COL3A1: variants seen among roughly 807,000 people sequenced by gnomAD.
COL3A1 encodes the protein collagen alpha-1(III) chain.
A neutral mutation model predicts 200.9 loss-of-function variants in COL3A1; 46 were observed. That is an observed-to-expected ratio of 0.23 (90% confidence interval 0.18 to 0.29). COL3A1 has a LOEUF of 0.29. Among genes scored for constraint, COL3A1 ranks in the 10% least tolerant of loss-of-function variants. The pLI is 1.00. For missense variants in COL3A1, 1,367 were observed against 1,917.6 expected (o/e 0.71, Z 5.36); for synonymous variants, 650 against 628.0 (o/e 1.03, Z -0.52).
intron 35 of COL3A1, among the ~76,000 whole-genome samples, chr2:189,002,591 T>TA (rs747795650): frequency 1.5e-4 from 23 of 152,224 alleles, no homozygotes; most frequent in Non-Finnish European, 3.1e-4. Context: ...ATCATGGATT[T>TA]AAAAGCACTC....
intron 15 of COL3A1, 82 bp downstream of exon 15, chr2:188,993,022 T>C: frequency 7.8e-7 from 1 of 1,289,600 alleles, no homozygotes; most frequent in Non-Finnish European, 1.1e-6. Flanking sequence ...GCAACTGATT[T>C]TTTTAATCAG....
At chr2:189,008,875 T>C in intron 47 of COL3A1, 49 bp from the exon 48 acceptor site, 4 of 1,562,790 alleles carry the variant, frequency 2.6e-6, no homozygotes, top group Admixed American at 3.3e-5. Context: ...ATTCTTAGAG[T>C]GGCGACTGAA....
intron 44 of COL3A1, 148 bp downstream of exon 44, chr2:189,007,138 T>TATA (rs1371609811): frequency 1.3e-4 from 24 of 189,666 alleles, no homozygotes; most frequent in African/African-American, 6.3e-4. Flanking sequence ...TATATATATA[T>TATA]ATTTGTTCTA....
In COL3A1 at chr2:189,003,655, G is replaced by A. The variant is rs3765160; in HGVS notation, c.2608-79G>A. 71,192 of 1,492,892 alleles carry A rather than the reference G, an allele frequency of 0.048. 5,099 individuals are homozygous for A. Among genetic ancestry groups the A allele is most frequent in the African/African-American group, 0.34 (24,324 of 72,254 alleles). 92.5% of individuals were successfully genotyped at this position (1,492,892 alleles called of 1,614,324 possible). On this transcript the variant is annotated intron_variant, in intron 37 of 50. Coordinates refer to ENST00000304636, the MANE Select transcript of COL3A1 (RefSeq NM_000090.4). ...GACTTTCAGGTACAATGCAGATCAT[G>A]CCACACATTATACTTTTTGTTTGTT... is the stretch of plus-strand genomic sequence containing the variant.
chr2:188,975,213 T>C (rs545665238), intron 1 of COL3A1, among the ~76,000 whole-genome samples: 5 of 152,342 alleles, frequency 3.3e-5, no homozygotes, highest in African/African-American at 9.6e-5. Flanking sequence ...AAGGGACTAA[T>C]ATTTTCCACA....
At chr2:189,007,322 C>A (rs1422284764) in intron 44 of COL3A1, among the ~76,000 whole-genome samples, 178 bp from the exon 45 acceptor site, 1 of 151,458 alleles carries the variant, frequency 6.6e-6, no homozygotes, top group Admixed American at 6.6e-5. Flanking sequence ...ATGCAATGAT[C>A]AGTCCAAAAT....
intron 42 of COL3A1, 34 bp from the exon 43 acceptor site, chr2:189,006,311 C>T (rs1688584751): frequency 1.2e-6 from 2 of 1,613,412 alleles, no homozygotes; most frequent in East Asian, 2.2e-5. Flanking sequence ...AAGTGATCAT[C>T]ATGTTTATTT....
In COL3A1 at chr2:188,979,358, A is replaced by G. The variant is rs997720160; in HGVS notation, c.79+4790A>G. 2.0e-5 allele frequency among the ~76,000 whole-genome samples: 3 copies of G among 152,092 alleles called. No homozygotes were observed. The East Asian group carries it at 5.8e-4, about 29-fold the overall frequency. ...CTGATGAACTTAGATGTATATTAACATGAATCATTTAGTAACTATATTTTC... is the reference window on the plus strand; with the variant it reads ...CTGATGAACTTAGATGTATATTAACGTGAATCATTTAGTAACTATATTTTC... On this transcript the variant is annotated intron_variant, in intron 1 of 50. Transcript: ENST00000304636.
intron 32 of COL3A1, among the ~76,000 whole-genome samples, chr2:189,000,203 C>G (rs1688426160): frequency 6.6e-6 from 1 of 152,056 alleles, no homozygotes; most frequent in Non-Finnish European, 1.5e-5. Flanking sequence ...CATTAAGAAA[C>G]TAAAAGTCAT....
intron 47 of COL3A1, chr2:189,008,354 A>G (rs1688643739): frequency 1.7e-6 from 1 of 584,952 alleles, no homozygotes; most frequent in Non-Finnish European, 3.0e-6. Context: ...AAATTTGATC[A>G]GGTATCCATC....
Position 188,997,680 on chromosome 2 carries a change from G to C in COL3A1, c.1870-20G>C. 1.2e-6 allele frequency: 2 copies of C among 1,608,924 alleles called. No homozygotes were observed. Among genetic ancestry groups the C allele is most frequent in the Non-Finnish European group, 1.7e-6 (2 of 1,175,406 alleles). ...TATAAAAGGATGTTTACAACAGAGT[G>C]TATCATTATACTTTTCTAGGGGCCT... On this transcript the variant is annotated intron_variant, in intron 26 of 50. Coordinates refer to ENST00000304636, the MANE Select transcript of COL3A1 (RefSeq NM_000090.4).
rs748530632 is a variant in COL3A1, at chr2:188,994,784, C to T, written c.1408C>T (p.Pro470Ser). ...AGGCGAAGATGGCAAGGATGGATCACCTGGAGAACCTGGTGCAAATGGGCT... is the reference window on the plus strand; with the variant it reads ...AGGCGAAGATGGCAAGGATGGATCATCTGGAGAACCTGGTGCAAATGGGCT... ...AKGEDGKDGS[P>S]GEPGANGLPG... Residue 470 changes from proline (P) to serine (S), a missense_variant, in exon 20 of 51, where the codon CCT becomes TCT. By Grantham distance (74) the Pro-to-Ser change is moderately conservative. Coordinates refer to ENST00000304636, the MANE Select transcript of COL3A1 (RefSeq NM_000090.4). This position sits in a 1 kb window ranked among gnomAD's most constrained non-coding sequence, Gnocchi z 4.5. The T allele has an allele frequency of 2.5e-6, 4 of 1,613,498 alleles. No individual in the cohort carries two copies. Among genetic ancestry groups the T allele is most frequent in the Non-Finnish European group, 3.4e-6 (4 of 1,179,954 alleles).
chr2:189,008,254 AT>A (rs1487536861), intron 47 of COL3A1, 112 bp downstream of exon 47: 4 of 874,856 alleles, frequency 4.6e-6, no homozygotes, highest in Non-Finnish European at 7.5e-6. Context: ...CATCCACTCA[AT>A]TTAGAAACTG....
chr2:188,991,462 A>G (rs748866167), intron 11 of COL3A1, 25 bp from the exon 12 acceptor site: 5 of 1,515,282 alleles, frequency 3.3e-6, no homozygotes, highest in Non-Finnish European at 9.1e-7. Flanking sequence ...TTTGTAAAAT[A>G]GTAACATATT....
At chr2:189,003,142 T>C in intron 36 of COL3A1, 80 bp downstream of exon 36, 1 of 1,138,760 alleles carries the variant, frequency 8.8e-7, no homozygotes, top group Non-Finnish European at 1.3e-6. Flanking sequence ...TCCCTCTCTC[T>C]CTCCCTCTCC....
In COL3A1 at chr2:188,999,369, C is replaced by T. The variant is rs780123051; in HGVS notation, c.2107C>T (p.Pro703Ser). 1.2e-6 allele frequency: 2 copies of T among 1,607,592 alleles called. No individual in the cohort carries two copies. Among genetic ancestry groups the T allele is most frequent in the South Asian group, 1.1e-5 (1 of 90,202 alleles). ...GLRGGAGPPG[P>S]EGGKGAAGPP... ...TAGAGGTGGAGCTGGTCCCCCTGGT[C>T]CCGAAGGAGGAAAGGTAACTCCACA... Residue 703 changes from proline (P) to serine (S), a missense_variant, in exon 30 of 51, where the codon CCC (proline) becomes TCC (serine). Around this residue, in one of 5 missense-constraint regions of COL3A1, gnomAD observed 846 missense variants for 1,147.9 expected, o/e 0.74. Transcript: ENST00000304636.
rs555261429 is a variant in COL3A1 at position 188,975,370 on chromosome 2, G to T, written c.79+802G>T. ...TGTTTTGCTATATTTTCTAATAATT[G>T]CATGTAATGTTTTTCATATTCTAAT... is the stretch of plus-strand genomic sequence containing the variant. On this transcript the variant is annotated intron_variant, in intron 1 of 50. Coordinates refer to ENST00000304636, the MANE Select transcript of COL3A1 (RefSeq NM_000090.4). Among the ~76,000 whole-genome samples, 7 of 152,228 alleles carry T rather than the reference G, an allele frequency of 4.6e-5. No homozygotes were observed. In the East Asian group the frequency reaches 1.4e-3, roughly 29 times the overall value.
intron 10 of COL3A1, 22 bp downstream of exon 10, chr2:188,990,382 T>G (rs753137155): frequency 6.2e-7 from 1 of 1,605,364 alleles, no homozygotes; most frequent in South Asian, 1.1e-5. Context: ...TTCTAAGTTG[T>G]TTACAAGGTA....
rs1688203730 is a variant in COL3A1 at position 188,992,192 on chromosome 2, G to A, written c.960G>A (p.Arg320=). 6.2e-7 allele frequency: 1 copy of A among 1,613,744 alleles called. No individual in the cohort carries two copies. Among genetic ancestry groups the A allele is most frequent in the Non-Finnish European group, 8.5e-7 (1 of 1,179,934 alleles). Residue 320 remains arginine (R), a synonymous_variant, in exon 14 of 51, where the codon CGG becomes CGA. Transcript: ENST00000304636. Reference sequence around the variant, plus strand: ...TAAACTTCTCTTTTTAGGGTGCTCGGGGTAATGACGGTGCTCGAGGCAGTG... The same window carrying A: ...TAAACTTCTCTTTTTAGGGTGCTCGAGGTAATGACGGTGCTCGAGGCAGTG... ...RPGLPGAAGA[R]GNDGARGSDG...
Sources: allele counts gnomAD v4.1 joint callset (sites outside exome capture counted in the v4.1 genomes callset), GRCh38; gene constraint gnomAD v4.1.1; regional missense constraint gnomAD v4.1.1; non-coding constraint Gnocchi (gnomAD v3.1); transcripts MANE v1.5; gene names NCBI Gene and HGNC (gene_info 2026-07-23, HGNC 2026-07-21).